Variants in AK9 observed in about 807,000 individuals in gnomAD.
AK9 encodes adenylate kinase domain containing 1.
AK9 carries 191 observed loss-of-function variants against 239.6 expected under a neutral mutation model. The ratio of observed to expected loss-of-function variants is 0.80; its 90% CI spans 0.71 to 0.90. The LOEUF (loss-of-function observed/expected upper bound fraction) is 0.90. Ranked by LOEUF, AK9 falls within the 40% of genes least tolerant of loss-of-function variation. The pLI is 0.00. For synonymous variants in AK9, 689 were observed against 721.0 expected, an observed-to-expected ratio of 0.96 and a Z score of 0.71; for missense variants, 1,995 against 2,214.7, an observed-to-expected ratio of 0.90 and a Z score of 1.99.
chr6:109,535,637 T>C lies in AK9; in HGVS notation c.3351-2167A>G, dbSNP rs565020035. On this transcript the variant is annotated intron_variant, in intron 27 of 40. Coordinates refer to ENST00000424296, the MANE Select transcript of AK9 (RefSeq NM_001145128.3). ...AGATCCCATTTGTCAATTTTGGCTT[T>C]TGTTGCCATTGCTTTTGGTGTTTTA... 1.1e-3 allele frequency among the ~76,000 whole-genome samples: 167 copies of C among 152,348 alleles called. 2 individuals carry two copies. Among genetic ancestry groups the C allele is most frequent in the Non-Finnish European group, 1.6e-3 (110 of 68,038 alleles).
intron 27 of AK9, among the ~76,000 whole-genome samples, chr6:109,535,823 T>A: frequency 6.6e-6 from 1 of 152,234 alleles, no homozygotes; most frequent in East Asian, 1.9e-4. Context: ...TTTCTACATA[T>A]GGCTAGCCAG....
rs535535722 is a variant in AK9 at position 109,654,992 on chromosome 6, G to T, written c.759+1764C>A. 5.3e-5 allele frequency among the ~76,000 whole-genome samples: 8 copies of T among 152,280 alleles called. No homozygotes were observed. In the South Asian group the frequency reaches 1.7e-3, roughly 32 times the overall value. ...TCCTCCCTCAACATATAAGGCAATT[G>T]CTTGGCTATTCAGCAAGTGTCATCT... On this transcript the variant is annotated intron_variant, in intron 8 of 40. Transcript: ENST00000424296.
intron 35 of AK9, among the ~76,000 whole-genome samples, chr6:109,500,818 G>T (rs899355010): frequency 1.3e-5 from 2 of 152,116 alleles, no homozygotes; most frequent in African/African-American, 4.8e-5. Context: ...AGGAGTTTAA[G>T]ACCAGCTTGG....
chr6:109,493,005 A>G lies in AK9; in HGVS notation c.*364T>C, dbSNP rs1776681576. 1 of 169,070 alleles carries G rather than the reference A, an allele frequency of 5.9e-6. No homozygotes were observed. The highest frequency in any genetic ancestry group is 1.6e-4 in the South Asian group (1 of 6,382). The allele number at this position is 169,070 out of a possible 1,614,324, so 10.5% of individuals were successfully genotyped here. On this transcript the variant is annotated 3_prime_UTR_variant, in exon 41 of 41. Coordinates refer to ENST00000424296, the MANE Select transcript of AK9 (RefSeq NM_001145128.3). ...AATGTCTTAAAGCTTTCTAACATTTAATGAGTAATTTTAACAGAGACTGAC... is the reference window on the plus strand; with the variant it reads ...AATGTCTTAAAGCTTTCTAACATTTGATGAGTAATTTTAACAGAGACTGAC...
At position 109,499,250 on chromosome 6, in the gene AK9, A is replaced by G. The variant is rs1777363089; in HGVS notation, c.4850-10T>C. 2 of 1,480,272 alleles carry G rather than the reference A, an allele frequency of 1.4e-6. No individual in the cohort carries two copies. Among genetic ancestry groups the G allele is most frequent in the East Asian group, 4.8e-5 (2 of 41,318 alleles). 91.7% of individuals were successfully genotyped at this position (1,480,272 alleles called of 1,614,324 possible). On this transcript the variant is annotated splice_polypyrimidine_tract_variant and intron_variant, in intron 35 of 40. Transcript: ENST00000424296. ...ATGCAGGCAGCTTTTCCTATTATTAACATATTAACTATTATCATGTATATA... is the reference window on the plus strand; with the variant it reads ...ATGCAGGCAGCTTTTCCTATTATTAGCATATTAACTATTATCATGTATATA...
rs1200983666 is a variant in AK9, at chr6:109,492,951, A to G, written c.*418T>C. 6.4e-6 allele frequency: 1 copy of G among 155,708 alleles called. No homozygotes were observed. The highest frequency in any genetic ancestry group is 2.4e-5 in the African/African-American group (1 of 41,486). 9.6% of individuals were successfully genotyped at this position (155,708 alleles called of 1,614,324 possible). On this transcript the variant is annotated 3_prime_UTR_variant, in exon 41 of 41. Transcript: ENST00000424296. Reference sequence around the variant, plus strand: ...GTTTTGTATGTAAAATGTATAACCCATATTTTGGTTTCATTTATAACAATG... The same window carrying G: ...GTTTTGTATGTAAAATGTATAACCCGTATTTTGGTTTCATTTATAACAATG...
chr6:109,595,792 G>A (rs1477868055), intron 17 of AK9, among the ~76,000 whole-genome samples: 2 of 152,248 alleles, frequency 1.3e-5, no homozygotes, highest in East Asian at 1.9e-4. Context: ...ATAAGTGGGA[G>A]TTGAACTATG....
Position 109,662,600 on chromosome 6 carries a change from T to G in AK9, c.395A>C (p.Glu132Ala), listed in dbSNP as rs1305988652. 2 of 1,590,580 alleles carry G rather than the reference T, an allele frequency of 1.3e-6. No individual in the cohort carries two copies. The change falls in exon 6 of 41, where the codon GAA becomes GCA. Residue 132 changes from glutamate (E) to alanine (A), a missense_variant. Coordinates refer to ENST00000424296, the MANE Select transcript of AK9 (RefSeq NM_001145128.3). ...TTTCAGGTTTAAGTTTTTAATTAAT[T>G]CTATTTGCTGTAAGGTAGTCATGGC... Reference protein sequence around the residue: ...QDAMTTLQQIELIKNLNLKPD... With the variant: ...QDAMTTLQQIALIKNLNLKPD...
At chr6:109,613,342 C>A (rs527252442) in intron 15 of AK9, among the ~76,000 whole-genome samples, 5 of 151,300 alleles carry the variant, frequency 3.3e-5, no homozygotes, top group African/African-American at 1.2e-4. Context: ...TTTAGAAAAA[C>A]GGGCAAAAGA....
intron 29 of AK9, chr6:109,528,690 T>C (rs1266915155): frequency 4.2e-6 from 2 of 478,024 alleles, no homozygotes; most frequent in South Asian, 3.1e-5. Flanking sequence ...GGGTGACATG[T>C]GGTTGCACTT....
At chr6:109,580,767 G>A (rs1040112830) in intron 19 of AK9, among the ~76,000 whole-genome samples, 1 of 152,112 alleles carries the variant, frequency 6.6e-6, no homozygotes, top group African/African-American at 2.4e-5. Flanking sequence ...CTCTTTGCTC[G>A]TGACTCAGCC....
In AK9 at chr6:109,529,078, T is replaced by C. The variant is rs1780905985; in HGVS notation, c.3571-5A>G. 1 of 1,559,102 alleles carries C rather than the reference T, an allele frequency of 6.4e-7. No individual in the cohort carries two copies. Among genetic ancestry groups the C allele is most frequent in the East Asian group, 2.2e-5 (1 of 44,582 alleles). On this transcript the variant is annotated splice_region_variant and splice_polypyrimidine_tract_variant and intron_variant, in intron 28 of 40. Coordinates refer to ENST00000424296, the MANE Select transcript of AK9 (RefSeq NM_001145128.3). ...TCTTTTAGCAATCGTATCAACCTGT[T>C]AAAGAAAGAGACATTAAAAAATTGT...
At chr6:109,500,996 G>C (rs1389107176) in intron 35 of AK9, among the ~76,000 whole-genome samples, 3 of 131,136 alleles carry the variant, frequency 2.3e-5, no homozygotes, top group Non-Finnish European at 5.2e-5. Context: ...AACAGAGTGA[G>C]ACTCTCAAAC....
chr6:109,613,650 CATTAT>C (rs1323347373), intron 15 of AK9, among the ~76,000 whole-genome samples: 1 of 151,240 alleles, frequency 6.6e-6, no homozygotes, highest in Non-Finnish European at 1.5e-5. Context: ...TTAAATGGTA[CATTAT>C]AAGTAAAAAA....
Position 109,509,316 on chromosome 6 carries a change from A to C in AK9, c.4344T>G (p.Tyr1448Ter). The C allele has an allele frequency of 6.4e-7, 1 of 1,551,698 alleles. No individual in the cohort carries two copies. The highest frequency in any genetic ancestry group is 1.2e-5 in the South Asian group (1 of 84,062). Residue 1448 changes from tyrosine to a stop codon, truncating the protein, a stop_gained, in exon 33 of 41, where the codon TAT (tyrosine) becomes TAG (stop). Transcript: ENST00000424296. LOFTEE classifies it high-confidence loss of function. ...KHLSIGGALR[Y>*]VLNNHPETEL... Reference sequence around the variant, plus strand: ...CTGTTTCCGGGTGATTGTTTAGTACATAACGCAAAGCTCCTCCTATTGATA... The same window carrying C: ...CTGTTTCCGGGTGATTGTTTAGTACCTAACGCAAAGCTCCTCCTATTGATA...
At chr6:109,632,762 C>G (rs950626472) in intron 12 of AK9, 161 bp downstream of exon 12, 41 of 1,351,666 alleles carry the variant, frequency 3.0e-5, no homozygotes, top group Non-Finnish European at 3.9e-5. Context: ...CTACCCCAAG[C>G]CCAGTGGAAC....
intron 13 of AK9, among the ~76,000 whole-genome samples, chr6:109,615,154 CT>C (rs1321003330): frequency 1.3e-5 from 2 of 152,088 alleles, no homozygotes; most frequent in Admixed American, 1.3e-4. Context: ...AACGTCCCCT[CT>C]TTGGAGAGGT....
intron 24 of AK9, among the ~76,000 whole-genome samples, chr6:109,555,290 G>C (rs908471077): frequency 3.3e-5 from 5 of 152,160 alleles, no homozygotes; most frequent in Admixed American, 6.5e-5. Flanking sequence ...TTCAGGAGCA[G>C]GTTGTTCAAT....
At chr6:109,667,282 C>T (rs929275411) in intron 5 of AK9, among the ~76,000 whole-genome samples, 11 of 143,110 alleles carry the variant, frequency 7.7e-5, no homozygotes, top group African/African-American at 2.5e-4. Context: ...CCATCCTCAC[C>T]CAGCCCCCCA....
Sources: gnomAD v4.1 joint callset for allele counts (sites outside exome capture counted in the v4.1 genomes callset) on GRCh38, gnomAD v4.1.1 for gene constraint, MANE v1.5 for transcripts, NCBI Gene and HGNC (gene_info 2026-07-23, HGNC 2026-07-21) for gene names.